The following RHD variants were observed in gnomAD, a reference collection of about 807,000 sequenced individuals.
RHD encodes the protein blood group Rh(D) polypeptide.
A neutral mutation model predicts 45.5 loss-of-function variants in RHD; 16 were observed. That is an observed-to-expected ratio of 0.35 (90% CI 0.24 to 0.53). RHD has a LOEUF of 0.53. Ranked by LOEUF, RHD falls within the 20% of genes least tolerant of loss-of-function variation. The probability of loss-of-function intolerance (pLI) is 0.92; values close to 1 mark genes in which losing one functional copy is unlikely to be tolerated. For synonymous variants in RHD, 131 were observed against 217.5 expected, an observed-to-expected ratio of 0.60 and a Z score of 3.50; for missense variants, 306 against 532.0, an observed-to-expected ratio of 0.58 and a Z score of 4.18.
rs1384267021 is a variant in RHD at position 25,276,762 on chromosome 1, T to A, written c.148+4067T>A. 4.6e-5 allele frequency among the ~76,000 whole-genome samples: 6 copies of A among 130,880 alleles called. 1 individual carries two copies. In the South Asian group the frequency reaches 1.4e-3, roughly 30 times the overall value. The allele number at this position is 130,880 out of a possible 152,430, so 85.9% of individuals were successfully genotyped here. ...TGAAGCGAGGCTGTAATAACAAATTTAAAAATATAAATAAAACATAAAGGC... is the reference window on the plus strand; with the variant it reads ...TGAAGCGAGGCTGTAATAACAAATTAAAAAATATAAATAAAACATAAAGGC... On this transcript the variant is annotated intron_variant, in intron 1 of 9. Coordinates refer to ENST00000328664, the MANE Select transcript of RHD (RefSeq NM_016124.6).
Position 25,290,647 on chromosome 1 carries a change from G to T in RHD, c.342G>T (p.Arg114=). The change falls in exon 3 of 10, where the codon CGG becomes CGT. Residue 114 remains arginine, a synonymous_variant. Coordinates refer to ENST00000328664, the MANE Select transcript of RHD (RefSeq NM_016124.6). ...GKVVITLFSI[R]LATMSALSVL... is the part of the protein sequence containing the mutation. ...CTCTCCCTCTCTCCCCCAGTATTCGGCTGGCCACCATGAGTGCTTTGTCGG... is the reference window on the plus strand; with the variant it reads ...CTCTCCCTCTCTCCCCCAGTATTCGTCTGGCCACCATGAGTGCTTTGTCGG... 7.3e-7 allele frequency: 1 copy of T among 1,378,032 alleles called. No homozygotes were observed. Among genetic ancestry groups the T allele is most frequent in the African/African-American group, 1.4e-5 (1 of 70,878 alleles). 85.4% of individuals were successfully genotyped at this position (1,378,032 alleles called of 1,614,324 possible).
chr1:25,307,715 T>C (rs747752077), intron 7 of RHD: 1 of 1,308,578 alleles, frequency 7.6e-7, no homozygotes, highest in South Asian at 1.3e-5. Flanking sequence ...CGTTTGGACG[T>C]GTCTCAGAGA....
chr1:25,300,302 A>G (rs1643284970), intron 3 of RHD, among the ~76,000 whole-genome samples: 1 of 129,130 alleles, frequency 7.7e-6, no homozygotes, highest in Non-Finnish European at 1.8e-5. Flanking sequence ...TCTTGAGCCC[A>G]GGAGTTCAAG....
intron 7 of RHD, among the ~76,000 whole-genome samples, chr1:25,316,269 A>G (rs2427767): frequency 0.2 from 25,028 of 127,862 alleles, 7,068 homozygotes; most frequent in Admixed American, 0.28. Flanking sequence ...GCCAAGCTCT[A>G]CCCCACCCAC....
chr1:25,306,803 T>G (rs1255125208), intron 7 of RHD, 74 bp downstream of exon 7: 1 of 1,274,566 alleles, frequency 7.8e-7, no homozygotes, highest in Admixed American at 1.8e-5. Context: ...GCAGAGTCCT[T>G]AGCTGGGGCG....
Position 25,319,726 on chromosome 1 carries a change from A to G in RHD, c.1154-2163A>G, listed in dbSNP as rs1209064175. 6.8e-5 allele frequency among the ~76,000 whole-genome samples: 9 copies of G among 132,260 alleles called. 1 individual carries two copies. The South Asian group carries it at 9.2e-4, about 14-fold the overall frequency. 86.8% of individuals were successfully genotyped at this position (132,260 alleles called of 152,430 possible). On this transcript the variant is annotated intron_variant, in intron 8 of 9. Transcript: ENST00000328664. ...ATTTAATTTGTTAATTGAGCCCTCT[A>G]TGGGCCTGTCTGTATTTATTTAAGA...
At position 25,311,993 on chromosome 1, in the gene RHD, T is replaced by C. The variant is rs540566388; in HGVS notation, c.1074-5007T>C. 2.5e-5 allele frequency among the ~76,000 whole-genome samples: 3 copies of C among 121,476 alleles called. 1 individual carries two copies. The highest frequency in any genetic ancestry group is 2.0e-4 in the East Asian group (1 of 4,990). 79.7% of individuals were successfully genotyped at this position (121,476 alleles called of 152,430 possible). A position where few individuals can be genotyped will look rare whatever the true frequency, so the allele number is the denominator to read the frequency against. On this transcript the variant is annotated intron_variant, in intron 7 of 9. Transcript: ENST00000328664. ...GGCCACCGCCAAGACCCCAGAATGG[T>C]AGAGCTATCATAGTGCAATGCCAGC...
intron 1 of RHD, among the ~76,000 whole-genome samples, chr1:25,282,951 A>C (rs1641629931): frequency 7.5e-6 from 1 of 132,522 alleles, no homozygotes; most frequent in South Asian, 2.3e-4. Context: ...AAACTAAAAA[A>C]GTAAAACACC....
intron 1 of RHD, among the ~76,000 whole-genome samples, chr1:25,279,539 A>G (rs551266578): frequency 7.8e-6 from 1 of 127,734 alleles, no homozygotes; most frequent in East Asian, 2.0e-4. Flanking sequence ...TGTGACTTGG[A>G]CTAGTTATAG....
chr1:25,278,612 G>A (rs1302729000), intron 1 of RHD, among the ~76,000 whole-genome samples: 2 of 130,668 alleles, frequency 1.5e-5, no homozygotes, highest in East Asian at 2.0e-4. Flanking sequence ...TGTAACAATC[G>A]CCTACCAGGC....
Position 25,313,131 on chromosome 1 carries a change from T to C in RHD, c.1074-3869T>C, listed in dbSNP as rs1427666148. On this transcript the variant is annotated intron_variant, in intron 7 of 9. Coordinates refer to ENST00000328664, the MANE Select transcript of RHD (RefSeq NM_016124.6). Reference sequence around the variant, plus strand: ...CCTTTGGGAGGTAACTAGGATTAGATAAAGTCATCAGGGTGGGGCCCCTAT... The same window carrying C: ...CCTTTGGGAGGTAACTAGGATTAGACAAAGTCATCAGGGTGGGGCCCCTAT... Among the ~76,000 whole-genome samples the C allele has an allele frequency of 2.4e-5, 3 of 125,952 alleles. 1 individual carries two copies. The highest frequency in any genetic ancestry group is 5.6e-5 in the Non-Finnish European group (3 of 53,390). The allele number at this position is 125,952 out of a possible 152,430, so 82.6% of individuals were successfully genotyped here. A position where few individuals can be genotyped will look rare whatever the true frequency, so the allele number is the denominator to read the frequency against.
Position 25,303,524 on chromosome 1 carries a change from T to G in RHD, c.939+65T>G, listed in dbSNP as rs545576667. On this transcript the variant is annotated intron_variant, in intron 6 of 9. Coordinates refer to ENST00000328664, the MANE Select transcript of RHD (RefSeq NM_016124.6). ...AGGCCAGCAGGACGCTGGGACCTGA[T>G]GGGCCACTGTGCAGTGCACAGCTGC... The G allele has an allele frequency of 5.9e-5, 79 of 1,328,540 alleles. 12 individuals carry two copies. The African/African-American group carries it at 9.5e-4, about 16-fold the overall frequency. 82.3% of individuals were successfully genotyped at this position (1,328,540 alleles called of 1,614,324 possible). A position where few individuals can be genotyped will look rare whatever the true frequency, so the allele number is the denominator to read the frequency against.
chr1:25,318,998 A>G lies in RHD; in HGVS notation c.1153+1919A>G, dbSNP rs1346328246. 3.2e-4 allele frequency among the ~76,000 whole-genome samples: 43 copies of G among 133,044 alleles called. 5 individuals are homozygous for G. Among genetic ancestry groups the G allele is most frequent in the African/African-American group, 1.1e-3 (42 of 39,158 alleles). 87.3% of individuals were successfully genotyped at this position (133,044 alleles called of 152,430 possible). On this transcript the variant is annotated intron_variant, in intron 8 of 9. Coordinates refer to ENST00000328664, the MANE Select transcript of RHD (RefSeq NM_016124.6). The stretch of plus-strand genomic sequence containing the variant: ...GCGTTAATTCCGTAAGTTAACGTTC[A>G]GTTCGTGGCAGCTGGCAATCCAACC...
chr1:25,313,416 C>T (rs1644271605), intron 7 of RHD, among the ~76,000 whole-genome samples: 2 of 132,648 alleles, frequency 1.5e-5, no homozygotes, highest in South Asian at 4.6e-4. Context: ...TACAGTAAGT[C>T]TGTGCTTTTG....
At chr1:25,300,893 T>C in intron 3 of RHD, 53 bp from the exon 4 acceptor site, 1 of 1,364,494 alleles carries the variant, frequency 7.3e-7, no homozygotes, top group East Asian at 2.3e-5. Context: ...TATCAGGGCT[T>C]GCCCCGGGCA....
At chr1:25,275,105 C>T (rs1018591768) in intron 1 of RHD, among the ~76,000 whole-genome samples, 1 of 132,236 alleles carries the variant, frequency 7.6e-6, no homozygotes, top group African/African-American at 2.6e-5. Context: ...GCCTGGCCAA[C>T]ATGGTAAAAC....
chr1:25,292,126 G>T (rs773571865), intron 3 of RHD, among the ~76,000 whole-genome samples: 1 of 131,890 alleles, frequency 7.6e-6, no homozygotes, highest in Non-Finnish European at 1.8e-5. Flanking sequence ...ACCACATAGG[G>T]TTTTGAGGGA....
rs1237867246 is a variant in RHD at position 25,289,205 on chromosome 1, G to T, written c.336-1436G>T. Among the ~76,000 whole-genome samples the T allele has an allele frequency of 7.3e-4, 96 of 131,618 alleles. 18 individuals are homozygous for T. The highest frequency in any genetic ancestry group is 1.5e-3 in the African/African-American group (58 of 38,764). The allele number at this position is 131,618 out of a possible 152,430, so 86.3% of individuals were successfully genotyped here. A position where few individuals can be genotyped will look rare whatever the true frequency, so the allele number is the denominator to read the frequency against. ...ATTTTACAGAGAGTGAATTTTTTTTGTGTGTGTGTGAGGCAGTCTTACTCT... is the reference window on the plus strand; with the variant it reads ...ATTTTACAGAGAGTGAATTTTTTTTTTGTGTGTGTGAGGCAGTCTTACTCT... On this transcript the variant is annotated intron_variant, in intron 2 of 9. Coordinates refer to ENST00000328664, the MANE Select transcript of RHD (RefSeq NM_016124.6).
intron 1 of RHD, 45 bp downstream of exon 1, chr1:25,272,740 G>T (rs557021840): frequency 2.9e-6 from 4 of 1,375,804 alleles, no homozygotes; most frequent in Non-Finnish European, 4.1e-6. Context: ...AATAGCAGGG[G>T]CAGGGGCGGG....
Sources: allele counts gnomAD v4.1 joint callset (sites outside exome capture counted in the v4.1 genomes callset), GRCh38; gene constraint gnomAD v4.1.1; transcripts MANE v1.5; gene names NCBI Gene and HGNC (gene_info 2026-07-23, HGNC 2026-07-21).